The following PRKD1 variants were observed in gnomAD, a reference collection of about 807,000 sequenced individuals.
The protein encoded by PRKD1 is protein kinase D1.
In PRKD1, 63 loss-of-function variants were observed where a neutral mutation model predicts 95.9. The observed-to-expected ratio is 0.66, with a 90% confidence interval of 0.54 to 0.81. The LOEUF (loss-of-function observed/expected upper bound fraction) is 0.81, where lower values mean the gene tolerates loss of function less well. Ranked by LOEUF, PRKD1 falls within the 30% of genes least tolerant of loss-of-function variation. The probability of loss-of-function intolerance (pLI) is 0.00; values close to 1 mark genes in which losing one functional copy is unlikely to be tolerated. For synonymous variants in PRKD1, 425 were observed against 423.1 expected (o/e 1.00, Z -0.05); for missense variants, 1,048 against 1,165.3 (o/e 0.90, Z 1.47).
chr14:29,719,125 T>C (rs1885764569), intron 2 of PRKD1, among the ~76,000 whole-genome samples: 1 of 152,132 alleles, frequency 6.6e-6, no homozygotes, highest in Non-Finnish European at 1.5e-5. Context: ...ATTTAGGCAT[T>C]GAATCGTAGT....
intron 1 of PRKD1, among the ~76,000 whole-genome samples, chr14:29,766,053 G>A (rs565009894): frequency 3.3e-5 from 5 of 152,150 alleles, no homozygotes; most frequent in African/African-American, 1.2e-4. Context: ...AATATTAGAA[G>A]AAGAAAAGGG....
intron 2 of PRKD1, among the ~76,000 whole-genome samples, chr14:29,718,213 G>C (rs189411682): frequency 1.1e-4 from 16 of 152,266 alleles, no homozygotes; most frequent in Admixed American, 2.0e-4. Context: ...TCGAGGCAGG[G>C]AAGTGGTTAA....
At chr14:29,697,478 T>C (rs1884591366) in intron 2 of PRKD1, among the ~76,000 whole-genome samples, 1 of 152,244 alleles carries the variant, frequency 6.6e-6, no homozygotes, top group Admixed American at 6.5e-5. Context: ...ATCAGTGTGG[T>C]ATGCATCATG....
intron 1 of PRKD1, among the ~76,000 whole-genome samples, chr14:29,735,882 C>A (rs556477854): frequency 6.6e-6 from 1 of 152,026 alleles, no homozygotes; most frequent in African/African-American, 2.4e-5. Flanking sequence ...TATTATGTTT[C>A]TTTATAAGGG....
intron 1 of PRKD1, among the ~76,000 whole-genome samples, chr14:29,873,379 G>A (rs556906063): frequency 2.6e-5 from 4 of 152,190 alleles, no homozygotes; most frequent in South Asian, 2.1e-4. Flanking sequence ...GAGCCACTGC[G>A]CCCAGCCATA....
intron 4 of PRKD1, among the ~76,000 whole-genome samples, chr14:29,646,568 G>GATAA (rs1881137897): frequency 7.3e-6 from 1 of 137,718 alleles, no homozygotes; most frequent in Non-Finnish European, 1.6e-5. Context: ...TAGATAGATA[G>GATAA]ATAAATTTTT....
chr14:29,762,123 C>T (rs574738233), intron 1 of PRKD1, among the ~76,000 whole-genome samples: 24 of 152,174 alleles, frequency 1.6e-4, no homozygotes, highest in African/African-American at 5.8e-4. Flanking sequence ...AGAGGTGCTA[C>T]AAAGTAACTT....
chr14:29,587,860 A>T (rs979847586), intron 16 of PRKD1, among the ~76,000 whole-genome samples: 6 of 152,148 alleles, frequency 3.9e-5, no homozygotes, highest in Non-Finnish European at 7.3e-5. Flanking sequence ...CCAGAATCTT[A>T]AGTTGAGATT....
At chr14:29,807,633 A>G (rs1329600908) in intron 1 of PRKD1, among the ~76,000 whole-genome samples, 1 of 151,906 alleles carries the variant, frequency 6.6e-6, no homozygotes. Context: ...TCTTGAGCTC[A>G]AGTGATCCAC....
chr14:29,704,982 C>A (rs1036342545), intron 2 of PRKD1, among the ~76,000 whole-genome samples: 1 of 151,990 alleles, frequency 6.6e-6, no homozygotes, highest in East Asian at 1.9e-4. Flanking sequence ...ATCAAAATTA[C>A]CACTGCATAA....
intron 13 of PRKD1, among the ~76,000 whole-genome samples, chr14:29,622,787 G>A (rs1879365442): frequency 6.6e-6 from 1 of 152,162 alleles, no homozygotes; most frequent in Non-Finnish European, 1.5e-5. Flanking sequence ...CCTAGACACA[G>A]AAAATTAGAA....
intron 1 of PRKD1, among the ~76,000 whole-genome samples, chr14:29,729,120 T>C (rs533832715): frequency 6.6e-6 from 1 of 152,298 alleles, no homozygotes; most frequent in Non-Finnish European, 1.5e-5. Context: ...TATTTTATTC[T>C]ACAAATCGCA....
intron 1 of PRKD1, among the ~76,000 whole-genome samples, chr14:29,856,490 A>T (rs889043505): frequency 2.0e-5 from 3 of 152,196 alleles, no homozygotes; most frequent in African/African-American, 7.2e-5. Context: ...ACAATCAATG[A>T]AAGTGTCTCA....
At chr14:29,793,578 G>A (rs949341625) in intron 1 of PRKD1, among the ~76,000 whole-genome samples, 1 of 152,032 alleles carries the variant, frequency 6.6e-6, no homozygotes, top group Admixed American at 6.6e-5. Flanking sequence ...ACATTGAAAT[G>A]GGAGCAATGT....
Position 29,725,688 on chromosome 14 carries a change from T to C in PRKD1, c.265-14A>G, listed in dbSNP as rs541889029. On this transcript the variant is annotated splice_polypyrimidine_tract_variant and intron_variant, in intron 1 of 17. Transcript: ENST00000331968. ...ACATTCAGGGAACTGCAAATACAAA[T>C]ACCATGAGAGTGTAAATGTCAAAAT... is the stretch of plus-strand genomic sequence containing the variant. 4 of 1,611,162 alleles carry C rather than the reference T, an allele frequency of 2.5e-6. No individual in the cohort carries two copies. In the African/African-American group the frequency reaches 4.0e-5, roughly 16 times the overall value.
intron 2 of PRKD1, among the ~76,000 whole-genome samples, chr14:29,697,054 G>A (rs1371735677): frequency 6.6e-6 from 1 of 151,338 alleles, no homozygotes; most frequent in Non-Finnish European, 1.5e-5. Context: ...ATTTTTTCAT[G>A]TCTTCCCTGA....
In PRKD1 at chr14:29,781,194, C is replaced by T. The variant is rs144017883; in HGVS notation, c.265-55520G>A. 2.9e-3 allele frequency among the ~76,000 whole-genome samples: 444 copies of T among 151,494 alleles called. 1 individual carries two copies. The highest frequency in any genetic ancestry group is 0.017 in the Middle Eastern group (5 of 292). ...TAGGAGATATACCTAATGTAAATGA[C>T]GAGTTAATGGGTGCAGCACACCAAC... On this transcript the variant is annotated intron_variant, in intron 1 of 17. Transcript: ENST00000331968.
At chr14:29,594,151 T>G (rs1277259587) in intron 16 of PRKD1, 1 of 453,948 alleles carries the variant, frequency 2.2e-6, no homozygotes, top group East Asian at 7.0e-5. Flanking sequence ...ATAGGTATTA[T>G]ATTGTATCAA....
intron 2 of PRKD1, among the ~76,000 whole-genome samples, chr14:29,671,187 G>T (rs766221811): frequency 3.2e-4 from 48 of 152,208 alleles, no homozygotes; most frequent in Middle Eastern, 6.8e-3. Context: ...AGAGAAAAAG[G>T]TCTCACAAGC....
Sources: allele counts gnomAD v4.1 joint callset (sites outside exome capture counted in the v4.1 genomes callset), GRCh38; gene constraint gnomAD v4.1.1; transcripts MANE v1.5; gene names NCBI Gene and HGNC (gene_info 2026-07-23, HGNC 2026-07-21).